The following KANK1 variants were observed in gnomAD, a reference collection of about 807,000 sequenced individuals.
KANK1 encodes KN motif and ankyrin repeat domain-containing protein 1.
A neutral mutation model predicts 106.2 loss-of-function variants in KANK1; 109 were observed. That is an observed-to-expected ratio of 1.03 (90% CI 0.88 to 1.20). The LOEUF is 1.20. Among genes scored for constraint, KANK1 ranks in the 50% most tolerant of loss-of-function variants. KANK1 has a pLI of 0.00. For synonymous variants in KANK1, 873 were observed against 652.2 expected, an observed-to-expected ratio of 1.34 and a Z score of -5.16; for missense variants, 2,399 against 1,710.7, an observed-to-expected ratio of 1.40 and a Z score of -7.10.
chr9:578,020 T>C (rs146303123), intron 1 of KANK1, among the ~76,000 whole-genome samples: 209 of 152,164 alleles, frequency 1.4e-3, no homozygotes, highest in African/African-American at 4.6e-3. Context: ...TCCTTTCACC[T>C]TGTAACCAGG....
intron 1 of KANK1, among the ~76,000 whole-genome samples, chr9:576,185 A>G (rs1820510012): frequency 6.6e-6 from 1 of 152,314 alleles, no homozygotes; most frequent in Non-Finnish European, 1.5e-5. Flanking sequence ...TGTTTTTACA[A>G]AGCCCTCCAC....
chr9:585,281 T>C (rs1179990817), intron 1 of KANK1, among the ~76,000 whole-genome samples: 5 of 152,292 alleles, frequency 3.3e-5, no homozygotes, highest in South Asian at 2.1e-4. Flanking sequence ...CTTGCTGCCA[T>C]TGAGAGTTTG....
intron 1 of KANK1, among the ~76,000 whole-genome samples, chr9:618,838 C>T (rs1260035107): frequency 6.6e-6 from 1 of 152,262 alleles, no homozygotes; most frequent in East Asian, 1.9e-4. Flanking sequence ...ACATTTAATA[C>T]CTGTCTTGAG....
intron 1 of KANK1, chr9:673,517 T>C (rs2138720541): frequency 6.6e-6 from 1 of 152,364 alleles, no homozygotes; most frequent in African/African-American, 2.4e-5. Flanking sequence ...GCCAACAGTG[T>C]CTTGTTATTT....
intron 10 of KANK1, among the ~76,000 whole-genome samples, chr9:743,861 A>C (rs1680844443): frequency 6.6e-6 from 1 of 152,224 alleles, no homozygotes; most frequent in African/African-American, 2.4e-5. Flanking sequence ...GTCTCAAAAA[A>C]CACACTAGAC....
intron 2 of KANK1, among the ~76,000 whole-genome samples, chr9:697,129 A>G (rs549594303): frequency 3.3e-5 from 5 of 151,658 alleles, no homozygotes; most frequent in Non-Finnish European, 5.9e-5. Flanking sequence ...TGCAGTTGTC[A>G]TGTCTTTTTG....
intron 1 of KANK1, among the ~76,000 whole-genome samples, chr9:657,945 C>G (rs1428289011): frequency 6.6e-6 from 1 of 151,960 alleles, no homozygotes; most frequent in Non-Finnish European, 1.5e-5. Flanking sequence ...TGCAGTGGCT[C>G]TTCACAGGTG....
At chr9:678,988 C>A (rs1029121612) in intron 2 of KANK1, among the ~76,000 whole-genome samples, 1 of 152,114 alleles carries the variant, frequency 6.6e-6, no homozygotes, top group African/African-American at 2.4e-5. Flanking sequence ...ATACCTACCC[C>A]ACTAATTCCT....
chr9:516,408 G>A (rs2059280302), intron 1 of KANK1, among the ~76,000 whole-genome samples: 1 of 151,684 alleles, frequency 6.6e-6, no homozygotes, highest in Non-Finnish European at 1.5e-5. Context: ...ACAGTTGGGA[G>A]AAGCGATTCA....
At chr9:634,846 G>A (rs9407327) in intron 1 of KANK1, among the ~76,000 whole-genome samples, 99,003 of 152,080 alleles carry the variant, frequency 0.65, 34,770 homozygotes, top group African/African-American at 0.9. Flanking sequence ...ATATCATTAG[G>A]GGCCCAGGTT....
In KANK1 at chr9:592,440, G is replaced by A. The variant is rs895748524; in HGVS notation, c.-83-84450G>A. ...AAATGCCCGCAGCACTGGCTTGTCA[G>A]GGCCACAGCTGCTATGACTCTTTCT... On this transcript the variant is annotated intron_variant, in intron 1 of 11. Coordinates refer to ENST00000382297, the MANE Select transcript of KANK1 (RefSeq NM_015158.5). Among the ~76,000 whole-genome samples, 6 of 151,066 alleles carry A rather than the reference G, an allele frequency of 4.0e-5. 1 individual carries two copies. Among genetic ancestry groups the A allele is most frequent in the African/African-American group, 1.5e-4 (6 of 40,584 alleles).
intron 8 of KANK1, 79 bp from the exon 9 acceptor site, chr9:740,713 A>G (rs1161762039): frequency 4.1e-6 from 6 of 1,469,078 alleles, no homozygotes; most frequent in African/African-American, 2.8e-5. Context: ...TGTAAACACC[A>G]TCCCTTCAGT....
chr9:689,392 C>T (rs984588201), intron 2 of KANK1, among the ~76,000 whole-genome samples: 1 of 152,154 alleles, frequency 6.6e-6, no homozygotes, highest in Non-Finnish European at 1.5e-5. Context: ...GAATCAGACC[C>T]CTCTGCCGGG....
At chr9:499,137 C>T (rs1468065832) in intron 3 of KANK1, among the ~76,000 whole-genome samples, 2 of 151,170 alleles carry the variant, frequency 1.3e-5, no homozygotes, top group Non-Finnish European at 2.9e-5. Context: ...GAGATCACAC[C>T]ACTGCACTCC....
intron 3 of KANK1, among the ~76,000 whole-genome samples, chr9:725,471 T>C (rs1185913224): frequency 7.4e-6 from 1 of 135,834 alleles, no homozygotes; most frequent in African/African-American, 2.8e-5. Flanking sequence ...CACTCCAGCC[T>C]GGGTGACAGA....
At chr9:482,005 T>G (rs1413350994) in intron 3 of KANK1, among the ~76,000 whole-genome samples, 3 of 152,134 alleles carry the variant, frequency 2.0e-5, no homozygotes, top group Admixed American at 2.0e-4. Flanking sequence ...ATCCTAAAAT[T>G]GGCTTCCTGT....
chr9:498,558 G>C (rs987776520), intron 3 of KANK1, among the ~76,000 whole-genome samples: 1 of 152,144 alleles, frequency 6.6e-6, no homozygotes, highest in Admixed American at 6.5e-5. Flanking sequence ...TCACTTATCA[G>C]ATATGAATAA....
At chr9:607,947 G>C (rs1375979093) in intron 1 of KANK1, among the ~76,000 whole-genome samples, 1 of 150,462 alleles carries the variant, frequency 6.6e-6, no homozygotes, top group Non-Finnish European at 1.5e-5. Context: ...CTCTCTGTGT[G>C]TGTGTATGTG....
intron 1 of KANK1, among the ~76,000 whole-genome samples, chr9:623,804 G>A (rs1443908693): frequency 6.6e-6 from 1 of 152,008 alleles, no homozygotes; most frequent in African/African-American, 2.4e-5. Context: ...GTGAAAATTG[G>A]TACAGCCATT....
Sources: gnomAD v4.1 joint callset for allele counts (sites outside exome capture counted in the v4.1 genomes callset) on GRCh38, gnomAD v4.1.1 for gene constraint, MANE v1.5 for transcripts, NCBI Gene and HGNC (gene_info 2026-07-23, HGNC 2026-07-21) for gene names.